Variants in SIK2 observed in about 807,000 individuals in gnomAD.
SIK2 encodes the protein serine/threonine-protein kinase SIK2.
Under a neutral mutation model 103.2 loss-of-function variants are expected in SIK2, and 29 were observed. That is an observed-to-expected ratio of 0.28 (90% CI 0.21 to 0.38). The LOEUF (loss-of-function observed/expected upper bound fraction) is 0.38, where lower values mean the gene tolerates loss of function less well. SIK2 is among the 10% of genes least tolerant of loss of function. The pLI is 1.00. For missense variants in SIK2, 879 were observed against 1,171.0 expected (o/e 0.75, Z 3.64); for synonymous variants, 412 against 446.1 (o/e 0.92, Z 0.96).
At chr11:111,697,424 T>C (rs904451174) in intron 4 of SIK2, among the ~76,000 whole-genome samples, 1 of 152,192 alleles carries the variant, frequency 6.6e-6, no homozygotes, top group Admixed American at 6.5e-5. Context: ...TCTGATGGGA[T>C]AGACAGATAA....
At chr11:111,675,182 A>G (rs557770196) in intron 3 of SIK2, among the ~76,000 whole-genome samples, 1 of 152,318 alleles carries the variant, frequency 6.6e-6, no homozygotes, top group Non-Finnish European at 1.5e-5. Flanking sequence ...TCTACTCCTC[A>G]TGTCCCTCAT....
chr11:111,625,266 G>A (rs958056980), intron 3 of SIK2, among the ~76,000 whole-genome samples: 4 of 152,318 alleles, frequency 2.6e-5, no homozygotes, highest in South Asian at 2.1e-4. Context: ...ATGGGAAAGG[G>A]TGGAGACAGG....
At chr11:111,699,281 C>G (rs572674697) in intron 4 of SIK2, among the ~76,000 whole-genome samples, 1 of 152,306 alleles carries the variant, frequency 6.6e-6, no homozygotes, top group South Asian at 2.1e-4. Context: ...GATGTACCCT[C>G]TTTTCTCTCC....
In SIK2 at chr11:111,723,709, C is replaced by T. The variant is rs747085767; in HGVS notation, c.2361C>T (p.Tyr787=). 1.4e-5 allele frequency: 22 copies of T among 1,614,094 alleles called. No individual in the cohort carries two copies. The highest frequency in any genetic ancestry group is 1.8e-5 in the Non-Finnish European group (21 of 1,180,060). Residue 787 remains tyrosine, a synonymous_variant, in exon 15 of 15, where the codon TAC becomes TAT. Coordinates refer to ENST00000304987, the MANE Select transcript of SIK2 (RefSeq NM_015191.3). Reference sequence around the variant, plus strand: ...AGCCTTCCTCCGAGCAGATGCAATACAGCCCTTTCCTCAGCCAGTACCAAG... The same window carrying T: ...AGCCTTCCTCCGAGCAGATGCAATATAGCCCTTTCCTCAGCCAGTACCAAG... ...VLEPSSEQMQ[Y]SPFLSQYQEM... is the part of the protein sequence containing the mutation.
chr11:111,682,626 G>C (rs1368439767), intron 3 of SIK2, among the ~76,000 whole-genome samples: 2 of 151,846 alleles, frequency 1.3e-5, no homozygotes, highest in African/African-American at 4.8e-5. Flanking sequence ...TGTTACATGA[G>C]GAAAAAAAGG....
chr11:111,716,898 A>T (rs1043758955), intron 9 of SIK2, among the ~76,000 whole-genome samples: 2 of 152,214 alleles, frequency 1.3e-5, no homozygotes, highest in Non-Finnish European at 2.9e-5. Flanking sequence ...CAAAGGTCTA[A>T]TATCCAGCCC....
chr11:111,715,547 G>T (rs1427676087), intron 9 of SIK2, among the ~76,000 whole-genome samples: 1 of 152,088 alleles, frequency 6.6e-6, no homozygotes, highest in Non-Finnish European at 1.5e-5. Flanking sequence ...AATCCCTTGG[G>T]GAGTCTGAAT....
chr11:111,704,897 CA>C (rs1943304480), intron 7 of SIK2, 89 bp from the exon 8 acceptor site: 16 of 1,415,182 alleles, frequency 1.1e-5, no homozygotes, highest in Admixed American at 2.8e-5. Flanking sequence ...TAAGAGCACA[CA>C]ATTTCTTTCC....
intron 3 of SIK2, among the ~76,000 whole-genome samples, chr11:111,636,797 T>G (rs1209362836): frequency 2.6e-5 from 4 of 152,244 alleles, no homozygotes; most frequent in Non-Finnish European, 4.4e-5. Flanking sequence ...TTCAGAATAA[T>G]GAGGATATTG....
chr11:111,613,326 A>G (rs139524887), intron 1 of SIK2, among the ~76,000 whole-genome samples: 86 of 152,204 alleles, frequency 5.7e-4, no homozygotes, highest in African/African-American at 2.0e-3. Context: ...ATCTTCTTCT[A>G]TTAGATGGTT....
intron 1 of SIK2, among the ~76,000 whole-genome samples, chr11:111,611,897 A>G (rs1330950968): frequency 6.6e-6 from 1 of 152,234 alleles, no homozygotes; most frequent in African/African-American, 2.4e-5. Flanking sequence ...AGTTCATTCT[A>G]ATCCTTAAAA....
intron 9 of SIK2, among the ~76,000 whole-genome samples, chr11:111,717,360 C>G (rs531068285): frequency 7.8e-6 from 1 of 128,324 alleles, no homozygotes; most frequent in Admixed American, 8.1e-5. Flanking sequence ...CATGACTGAT[C>G]ATTAGAGAAA....
rs146596911 is a variant in SIK2, at chr11:111,726,449, G to A, written c.*2320G>A. ...ATCAGGATCCGTCACACACGGCAGC[G>A]GCGTGGACACCGGCCTGATGCAGAG... On this transcript the variant is annotated 3_prime_UTR_variant, in exon 15 of 15. Coordinates refer to ENST00000304987, the MANE Select transcript of SIK2 (RefSeq NM_015191.3). The A allele has an allele frequency of 2.1e-4, 32 of 154,508 alleles. No homozygotes were observed. The East Asian group carries it at 4.8e-3, about 23-fold the overall frequency. The allele number at this position is 154,508 out of a possible 1,614,324, so 9.6% of individuals were successfully genotyped here.
chr11:111,636,644 C>T (rs1157368238), intron 3 of SIK2, among the ~76,000 whole-genome samples: 1 of 152,098 alleles, frequency 6.6e-6, no homozygotes, highest in African/African-American at 2.4e-5. Context: ...CAGGGAAAGC[C>T]TCTCTTATAC....
intron 3 of SIK2, among the ~76,000 whole-genome samples, chr11:111,631,467 A>G (rs983025829): frequency 3.3e-5 from 5 of 152,168 alleles, no homozygotes; most frequent in Admixed American, 3.3e-4. Flanking sequence ...GAATGGTGGA[A>G]GATGAAATGC....
At chr11:111,690,429 ATTTATTT>A (rs1478362330) in intron 4 of SIK2, among the ~76,000 whole-genome samples, 4 of 151,228 alleles carry the variant, frequency 2.6e-5, no homozygotes, top group African/African-American at 7.3e-5. Context: ...GAACTATTTT[ATTTATTT>A]TTTATTTTTT....
chr11:111,682,870 A>G (rs1443045358), intron 3 of SIK2, among the ~76,000 whole-genome samples: 1 of 152,252 alleles, frequency 6.6e-6, no homozygotes, highest in Non-Finnish European at 1.5e-5. Flanking sequence ...CAAACTGTCA[A>G]TATTGAGTTT....
intron 3 of SIK2, among the ~76,000 whole-genome samples, chr11:111,633,868 TG>T (rs771456031): frequency 2.0e-5 from 3 of 152,196 alleles, no homozygotes; most frequent in Non-Finnish European, 4.4e-5. Flanking sequence ...TAAGAGTCCT[TG>T]GGTTATTTAT....
At chr11:111,641,021 CAG>C (rs1942176281) in intron 3 of SIK2, among the ~76,000 whole-genome samples, 1 of 152,150 alleles carries the variant, frequency 6.6e-6, no homozygotes, top group African/African-American at 2.4e-5. Flanking sequence ...GTAAAGGCCT[CAG>C]TGAACTAATG....
Sources: allele counts gnomAD v4.1 joint callset (sites outside exome capture counted in the v4.1 genomes callset), GRCh38; gene constraint gnomAD v4.1.1; transcripts MANE v1.5; gene names NCBI Gene and HGNC (gene_info 2026-07-23, HGNC 2026-07-21).